The following EEFSEC variants were observed in gnomAD, a reference collection of about 807,000 sequenced individuals.
The protein encoded by EEFSEC is selenocysteine-specific elongation factor.
Under a neutral mutation model 42.1 loss-of-function variants are expected in EEFSEC, and 43 were observed. The observed-to-expected ratio is 1.02, with a 90% confidence interval of 0.80 to 1.32. The LOEUF (loss-of-function observed/expected upper bound fraction) is 1.32, where lower values mean the gene tolerates loss of function less well. Among genes scored for constraint, EEFSEC ranks in the 40% most tolerant of loss-of-function variants. The pLI is 0.00. For missense variants in EEFSEC, 745 were observed against 803.6 expected, an observed-to-expected ratio of 0.93 and a Z score of 0.88; for synonymous variants, 354 against 339.1, an observed-to-expected ratio of 1.04 and a Z score of -0.48.
At chr3:128,409,135 G>C (rs1259562759), downstream of EEFSEC, among the ~76,000 whole-genome samples, 1 of 152,232 alleles carries the variant, frequency 6.6e-6, no homozygotes, top group East Asian at 1.9e-4. Context: ...TACTCAGGAA[G>C]GGGTGAATGG....
At chr3:128,380,424 TCTCTCTTCAC>T (rs2067761186) in intron 6 of EEFSEC, among the ~76,000 whole-genome samples, 1 of 152,138 alleles carries the variant, frequency 6.6e-6, no homozygotes, top group African/African-American at 2.4e-5. Context: ...CATCCTTCAA[TCTCTCTTCAC>T]CTCTCTTCAC....
intron 6 of EEFSEC, among the ~76,000 whole-genome samples, chr3:128,402,444 GC>G (rs1332449387): frequency 6.6e-6 from 1 of 152,216 alleles, no homozygotes; most frequent in Non-Finnish European, 1.5e-5. Flanking sequence ...GGTCTTAGAG[GC>G]CCTTTGTAGT....
intron 4 of EEFSEC, among the ~76,000 whole-genome samples, chr3:128,288,118 T>G (rs910800876): frequency 2.0e-5 from 3 of 152,152 alleles, no homozygotes; most frequent in African/African-American, 7.2e-5. Context: ...CTGCATCTAG[T>G]CTCTTGCTTG....
At chr3:128,224,012 C>G (rs947458491) in intron 1 of EEFSEC, among the ~76,000 whole-genome samples, 1 of 151,634 alleles carries the variant, frequency 6.6e-6, no homozygotes, top group Non-Finnish European at 1.5e-5. Context: ...TTCTTTCCTG[C>G]TCTTTTTGTT....
chr3:128,197,087 G>A (rs1258954106), intron 1 of EEFSEC, among the ~76,000 whole-genome samples: 6 of 152,008 alleles, frequency 3.9e-5, no homozygotes, highest in Non-Finnish European at 4.4e-5. Context: ...GCTTTACATC[G>A]TTTTTGCAGT....
At chr3:128,390,379 G>A (rs532331701) in intron 6 of EEFSEC, among the ~76,000 whole-genome samples, 3 of 152,258 alleles carry the variant, frequency 2.0e-5, no homozygotes, top group East Asian at 1.9e-4. Flanking sequence ...CAGGAGGGGT[G>A]CATGTGGGGA....
intron 1 of EEFSEC, among the ~76,000 whole-genome samples, chr3:128,223,071 G>A (rs759228659): frequency 4.6e-5 from 7 of 152,218 alleles, no homozygotes; most frequent in Non-Finnish European, 7.3e-5. Flanking sequence ...ATTTAGTTTA[G>A]TCTCATGGCT....
chr3:128,309,304 T>C (rs1246584325), intron 4 of EEFSEC, among the ~76,000 whole-genome samples: 1 of 151,966 alleles, frequency 6.6e-6, no homozygotes, highest in Non-Finnish European at 1.5e-5. Flanking sequence ...GGGGAGGCGA[T>C]AGCTGAGAGA....
intron 1 of EEFSEC, among the ~76,000 whole-genome samples, chr3:128,218,487 C>CT (rs1213631035): frequency 6.6e-6 from 1 of 152,194 alleles, no homozygotes; most frequent in Non-Finnish European, 1.5e-5. Flanking sequence ...GTGTCCATGT[C>CT]TTAGAGTGGA....
At chr3:128,293,433 G>A (rs188997793) in intron 4 of EEFSEC, among the ~76,000 whole-genome samples, 96 of 152,152 alleles carry the variant, frequency 6.3e-4, no homozygotes, top group Admixed American at 1.3e-3. Context: ...AGGCCAAGGC[G>A]GGTAGATCAC....
At chr3:128,212,436 G>T (rs2065768252) in intron 1 of EEFSEC, among the ~76,000 whole-genome samples, 1 of 152,178 alleles carries the variant, frequency 6.6e-6, no homozygotes, top group African/African-American at 2.4e-5. Flanking sequence ...CTCTGGTCTG[G>T]AAGGGCCCCA....
At chr3:128,358,519 A>G (rs1559938583) in intron 6 of EEFSEC, 146 bp downstream of exon 6, 12 of 1,187,280 alleles carry the variant, frequency 1.0e-5, no homozygotes, top group Non-Finnish European at 1.2e-5. Flanking sequence ...GCCTGGCAGC[A>G]TGGCCTCTGG....
chr3:128,329,246 C>T (rs535448411), intron 4 of EEFSEC, among the ~76,000 whole-genome samples: 2 of 152,320 alleles, frequency 1.3e-5, no homozygotes, highest in African/African-American at 4.8e-5. Flanking sequence ...CTTGCTGATG[C>T]TCTGGTGCCA....
chr3:128,369,254 G>C (rs2067625850), intron 6 of EEFSEC, among the ~76,000 whole-genome samples: 1 of 152,234 alleles, frequency 6.6e-6, no homozygotes, highest in South Asian at 2.1e-4. Flanking sequence ...GTGCCAAAGG[G>C]ACAGGACACG....
At chr3:128,421,204 C>G in the EEFSEC span, among the ~76,000 whole-genome samples, 1 of 152,214 alleles carries the variant, frequency 6.6e-6, no homozygotes, top group Admixed American at 6.5e-5. Flanking sequence ...CCTGGCAGGG[C>G]AGGGTTACCA....
chr3:128,177,927 G>A (rs1293533096), intron 1 of EEFSEC, among the ~76,000 whole-genome samples: 1 of 152,218 alleles, frequency 6.6e-6, no homozygotes, highest in Non-Finnish European at 1.5e-5. Context: ...TAAAGAATGA[G>A]TAGACACACA....
rs144087231 is a variant in EEFSEC, at chr3:128,157,637, A to G, written c.316+3814A>G. 5.3e-4 allele frequency among the ~76,000 whole-genome samples: 80 copies of G among 152,354 alleles called. 2 individuals are homozygous for G. The East Asian group carries it at 0.015, about 29-fold the overall frequency. On this transcript the variant is annotated intron_variant, in intron 1 of 6. Coordinates refer to ENST00000254730, the MANE Select transcript of EEFSEC (RefSeq NM_021937.5). ...AATGGCACAACGCAGCCTGGATGAC[A>G]GCACATCTGTTTATAGCATGGTTTA...
At chr3:128,358,130 G>A (rs563614772) in intron 5 of EEFSEC, 87 bp from the exon 6 acceptor site, 19 of 1,538,594 alleles carry the variant, frequency 1.2e-5, no homozygotes, top group East Asian at 4.6e-5. Flanking sequence ...CCTAGGGCCC[G>A]GGAGAGCTGG....
intron 4 of EEFSEC, among the ~76,000 whole-genome samples, chr3:128,286,565 G>A (rs188167489): frequency 6.9e-4 from 105 of 152,256 alleles, no homozygotes; most frequent in Non-Finnish European, 1.4e-3. Flanking sequence ...AGCTCTATGA[G>A]GCCAGCTCCT....
Sources: allele counts gnomAD v4.1 joint callset (sites outside exome capture counted in the v4.1 genomes callset), GRCh38; gene constraint gnomAD v4.1.1; transcripts MANE v1.5; gene names NCBI Gene and HGNC (gene_info 2026-07-23, HGNC 2026-07-21).